The following CCDC171 variants were observed in gnomAD, a reference collection of about 807,000 sequenced individuals.
CCDC171 encodes the protein coiled-coil domain-containing protein 171.
In CCDC171, 177 loss-of-function variants were observed where a neutral mutation model predicts 168.2. The ratio of observed to expected loss-of-function variants is 1.05; its 90% confidence interval spans 0.93 to 1.19. CCDC171 has a LOEUF of 1.19. CCDC171 is among the 50% of genes most tolerant of loss of function. The probability of loss-of-function intolerance (pLI) is 0.00; values close to 1 mark genes in which losing one functional copy is unlikely to be tolerated. For synonymous variants in CCDC171, 687 were observed against 540.8 expected (o/e 1.27, Z -3.75); for missense variants, 1,991 against 1,539.0 (o/e 1.29, Z -4.91).
intron 18 of CCDC171, among the ~76,000 whole-genome samples, chr9:15,760,789 T>C (rs535967203): frequency 4.6e-5 from 7 of 152,188 alleles, no homozygotes; most frequent in South Asian, 2.1e-4. Flanking sequence ...GATGAACTTA[T>C]AGAGAGTGGG....
At chr9:16,093,215 G>C in the CCDC171 span, among the ~76,000 whole-genome samples, 1 of 152,182 alleles carries the variant, frequency 6.6e-6, no homozygotes, top group African/African-American at 2.4e-5. Flanking sequence ...AAGCAAATAC[G>C]GAAAACTCAA....
rs1820877597 is a variant in CCDC171, at chr9:15,896,221, G to A, written c.3600+21558G>A. On this transcript the variant is annotated intron_variant, in intron 24 of 25. Coordinates refer to ENST00000380701, the MANE Select transcript of CCDC171 (RefSeq NM_173550.4). ...GAAGTAACATATTTGAAAAAGTATT[G>A]GTCTTATTTTTGGCACATTTAAGTT... Among the ~76,000 whole-genome samples, 4 of 151,776 alleles carry A rather than the reference G, an allele frequency of 2.6e-5. No individual in the cohort carries two copies. The South Asian group carries it at 6.2e-4, about 24-fold the overall frequency.
chr9:15,913,179 G>A (rs1186910610), intron 24 of CCDC171, among the ~76,000 whole-genome samples: 1 of 152,054 alleles, frequency 6.6e-6, no homozygotes, highest in Non-Finnish European at 1.5e-5. Context: ...GGCTTTTTTG[G>A]TTGGTAATTA....
chr9:15,672,688 C>A (rs1261976900), intron 9 of CCDC171, among the ~76,000 whole-genome samples: 1 of 152,148 alleles, frequency 6.6e-6, no homozygotes, highest in African/African-American at 2.4e-5. Context: ...TCTGAGGCCT[C>A]TGTTCTGTTC....
At chr9:15,642,668 A>T (rs1172423048) in intron 7 of CCDC171, among the ~76,000 whole-genome samples, 1 of 152,010 alleles carries the variant, frequency 6.6e-6, no homozygotes, top group Non-Finnish European at 1.5e-5. Flanking sequence ...AGATTTGAAG[A>T]TTTTTTGCTG....
chr9:15,691,743 T>C (rs907950093), intron 10 of CCDC171, among the ~76,000 whole-genome samples: 7 of 152,072 alleles, frequency 4.6e-5, no homozygotes, highest in African/African-American at 1.7e-4. Context: ...AGTGGCACAA[T>C]GATGCTCACT....
chr9:15,903,434 A>G (rs1470308551), intron 24 of CCDC171, among the ~76,000 whole-genome samples: 2 of 152,158 alleles, frequency 1.3e-5, no homozygotes, highest in African/African-American at 4.8e-5. Flanking sequence ...TCTGGAGTAG[A>G]CCTCCAGCAA....
intron 6 of CCDC171, among the ~76,000 whole-genome samples, chr9:15,616,213 A>G (rs1260716932): frequency 6.6e-6 from 1 of 152,078 alleles, no homozygotes; most frequent in Non-Finnish European, 1.5e-5. Flanking sequence ...TGGCCTCCCA[A>G]AGTGCTGGGA....
intron 7 of CCDC171, among the ~76,000 whole-genome samples, chr9:15,651,323 G>T (rs1276859967): frequency 6.6e-6 from 1 of 151,956 alleles, no homozygotes; most frequent in African/African-American, 2.4e-5. Context: ...TGGCCAGCCT[G>T]GTCTTGAACT....
chr9:15,590,854 T>TTTTC (rs1319398589), intron 4 of CCDC171, among the ~76,000 whole-genome samples: 2 of 147,370 alleles, frequency 1.4e-5, no homozygotes, highest in African/African-American at 2.5e-5. Flanking sequence ...TTTCTTTCTT[T>TTTTC]TTTCTTTCTT....
At chr9:15,681,343 G>A (rs2050027381) in intron 10 of CCDC171, among the ~76,000 whole-genome samples, 1 of 152,116 alleles carries the variant, frequency 6.6e-6, no homozygotes, top group South Asian at 2.1e-4. Context: ...GTGATGTACA[G>A]TTGATGTGGC....
intron 18 of CCDC171, among the ~76,000 whole-genome samples, chr9:15,758,778 G>A (rs914632042): frequency 2.0e-5 from 3 of 152,136 alleles, no homozygotes; most frequent in Non-Finnish European, 4.4e-5. Flanking sequence ...AGTCTCACAA[G>A]GTTTGATAGT....
chr9:15,952,378 T>C (rs1310740974), intron 25 of CCDC171, among the ~76,000 whole-genome samples: 1 of 152,128 alleles, frequency 6.6e-6, no homozygotes, highest in African/African-American at 2.4e-5. Context: ...CTTGAGATTA[T>C]ATATGAGTTT....
At chr9:15,633,280 A>G (rs1311247065) in intron 7 of CCDC171, among the ~76,000 whole-genome samples, 1 of 152,202 alleles carries the variant, frequency 6.6e-6, no homozygotes, top group Admixed American at 6.5e-5. Flanking sequence ...TCATCTGACA[A>G]AGGGCTAATA....
rs1201063986 is a variant in CCDC171 at position 15,728,090 on chromosome 9, C to T, written c.1860+54C>T. The T allele has an allele frequency of 5.8e-6, 8 of 1,381,224 alleles. No homozygotes were observed. In the African/African-American group the frequency reaches 1.0e-4, roughly 17 times the overall value. 85.6% of individuals were successfully genotyped at this position (1,381,224 alleles called of 1,614,324 possible). A position where few individuals can be genotyped will look rare whatever the true frequency, so the allele number is the denominator to read the frequency against. On this transcript the variant is annotated intron_variant, in intron 15 of 25. Coordinates refer to ENST00000380701, the MANE Select transcript of CCDC171 (RefSeq NM_173550.4). ...TATTAAATTCAGTGACATTTGTCCACATCACAGTATCATTAAGAGGGGCTG... is the reference window on the plus strand; with the variant it reads ...TATTAAATTCAGTGACATTTGTCCATATCACAGTATCATTAAGAGGGGCTG...
intron 6 of CCDC171, among the ~76,000 whole-genome samples, chr9:15,605,337 A>G (rs796510054): frequency 8.5e-5 from 13 of 152,146 alleles, no homozygotes; most frequent in Admixed American, 2.6e-4. Context: ...TATCCTATTA[A>G]CAAATGGCAT....
chr9:15,812,078 GT>G (rs1017443423), intron 21 of CCDC171, among the ~76,000 whole-genome samples: 1 of 152,044 alleles, frequency 6.6e-6, no homozygotes, highest in African/African-American at 2.4e-5. Context: ...TTTGAACAAG[GT>G]ATTAAAAAAA....
chr9:15,861,473 AT>A (rs969914403), intron 23 of CCDC171, among the ~76,000 whole-genome samples: 10 of 150,766 alleles, frequency 6.6e-5, no homozygotes, highest in Admixed American at 2.0e-4. Flanking sequence ...TGTTTCGTTG[AT>A]TTTTTTTGTA....
At chr9:15,777,415 G>A (rs1467921012) in intron 18 of CCDC171, among the ~76,000 whole-genome samples, 185 bp from the exon 19 acceptor site, 1 of 152,052 alleles carries the variant, frequency 6.6e-6, no homozygotes, top group African/African-American at 2.4e-5. Context: ...TTTAGTAGGT[G>A]AGCTATTCTC....
Sources: allele counts gnomAD v4.1 joint callset (sites outside exome capture counted in the v4.1 genomes callset), GRCh38; gene constraint gnomAD v4.1.1; transcripts MANE v1.5; gene names NCBI Gene and HGNC (gene_info 2026-07-23, HGNC 2026-07-21).